Variants in USP15 observed in about 807,000 individuals in gnomAD.
USP15 encodes ubiquitin specific peptidase 15.
Under a neutral mutation model 127.1 loss-of-function variants are expected in USP15, and 18 were observed. That is an observed-to-expected ratio of 0.14 (90% CI 0.10 to 0.21). The LOEUF (loss-of-function observed/expected upper bound fraction) is 0.21, where lower values mean the gene tolerates loss of function less well. Among genes scored for constraint, USP15 ranks in the 10% least tolerant of loss-of-function variants. The pLI is 1.00. For synonymous variants in USP15, 364 were observed against 393.7 expected, an observed-to-expected ratio of 0.92 and a Z score of 0.89; for missense variants, 805 against 1,159.9, an observed-to-expected ratio of 0.69 and a Z score of 4.44.
intron 6 of USP15, among the ~76,000 whole-genome samples, chr12:62,332,438 T>C (rs370525038): frequency 1.6e-3 from 243 of 152,128 alleles, no homozygotes; most frequent in African/African-American, 5.7e-3. Flanking sequence ...TAGCATTGGG[T>C]GGATAATCTA....
intron 21 of USP15, among the ~76,000 whole-genome samples, chr12:62,402,745 G>T (rs972709677): frequency 6.6e-6 from 1 of 152,016 alleles, no homozygotes; most frequent in African/African-American, 2.4e-5. Context: ...TTTTCTTACA[G>T]ACTATGAGTA....
intron 6 of USP15, among the ~76,000 whole-genome samples, chr12:62,342,442 G>A (rs990613129): frequency 9.9e-5 from 15 of 152,132 alleles, no homozygotes; most frequent in Admixed American, 9.2e-4. Context: ...ATCCAGTTTT[G>A]TGCCCTTGCT....
chr12:62,327,545 G>T, intron 6 of USP15: 9 of 358,720 alleles, frequency 2.5e-5, no homozygotes, highest in East Asian at 9.1e-5. Flanking sequence ...ATTGTTTGTG[G>T]ATTAATATTA....
intron 1 of USP15, among the ~76,000 whole-genome samples, chr12:62,293,610 C>T (rs2064039636): frequency 6.6e-6 from 1 of 152,218 alleles, no homozygotes; most frequent in Admixed American, 6.5e-5. Context: ...CCCACCTCAG[C>T]CTTCCAAAGC....
chr12:62,326,733 A>G (rs1290543177), intron 6 of USP15, among the ~76,000 whole-genome samples: 1 of 152,218 alleles, frequency 6.6e-6, no homozygotes, highest in African/African-American at 2.4e-5. Context: ...GATTGTGAAC[A>G]TATATTTTGA....
Position 62,405,188 on chromosome 12 carries a change from G to A in USP15, c.*813G>A, listed in dbSNP as rs546263886. ...TCCAAAATTAAAATTTTTGCTGTCT[G>A]TTTTTCTCTACCCCATTTTGTGGTA... is the stretch of plus-strand genomic sequence containing the variant. On this transcript the variant is annotated 3_prime_UTR_variant, in exon 22 of 22. Transcript: ENST00000280377. The A allele has an allele frequency of 6.6e-6, 1 of 152,106 alleles. No individual in the cohort carries two copies. The highest frequency in any genetic ancestry group is 2.4e-5 in the African/African-American group (1 of 41,520). The allele number at this position is 152,106 out of a possible 1,614,324, so 9.4% of individuals were successfully genotyped here. A position where few individuals can be genotyped will look rare whatever the true frequency, so the allele number is the denominator to read the frequency against.
rs1224454072 is a variant in USP15 at position 62,414,367 on chromosome 12, G to T, written c.*9992G>T. ...TTGTTTTGTTTTGTTTTGAGACAAG[G>T]TCTTTCTCTGTCACCCAGGCTGGAG... is the stretch of plus-strand genomic sequence containing the variant. On this transcript the variant is annotated 3_prime_UTR_variant, in exon 22 of 22. Transcript: ENST00000280377. 6.6e-6 allele frequency: 1 copy of T among 152,160 alleles called. No individual in the cohort carries two copies. 9.4% of individuals were successfully genotyped at this position (152,160 alleles called of 1,614,324 possible).
intron 6 of USP15, among the ~76,000 whole-genome samples, chr12:62,347,774 T>G (rs2065862812): frequency 6.6e-6 from 1 of 152,186 alleles, no homozygotes; most frequent in Admixed American, 6.5e-5. Context: ...TTAAAGGGAC[T>G]TCTATCAGAA....
At chr12:62,353,214 C>A (rs564465715) in intron 7 of USP15, among the ~76,000 whole-genome samples, 2 of 151,988 alleles carry the variant, frequency 1.3e-5, no homozygotes, top group Non-Finnish European at 2.9e-5. Flanking sequence ...TCTAGACTAT[C>A]TCAATCTTTG....
At chr12:62,265,276 A>C (rs1412547111) in intron 1 of USP15, among the ~76,000 whole-genome samples, 1 of 152,232 alleles carries the variant, frequency 6.6e-6, no homozygotes, top group Admixed American at 6.5e-5. Context: ...ACGTAAGTGT[A>C]ACAAGATAAA....
intron 17 of USP15, 118 bp downstream of exon 17, chr12:62,392,004 G>A: frequency 1.9e-6 from 2 of 1,074,456 alleles, no homozygotes; most frequent in African/African-American, 1.7e-5. Flanking sequence ...TATTTTGCCA[G>A]TAAAAAATTG....
In USP15 at chr12:62,381,401, A is replaced by G. The variant is rs1592704075; in HGVS notation, c.916-89A>G. On this transcript the variant is annotated intron_variant, in intron 8 of 21. Coordinates refer to ENST00000280377, the MANE Select transcript of USP15 (RefSeq NM_001252078.2). ...TTAAATGTTCTCTGTGTTATAGCAA[A>G]TCAATTTGTTTCTCTCTTCATATTA... 6.9e-6 allele frequency: 8 copies of G among 1,166,632 alleles called. No homozygotes were observed. In the African/African-American group the frequency reaches 7.8e-5, roughly 11 times the overall value. 72.3% of individuals were successfully genotyped at this position (1,166,632 alleles called of 1,614,324 possible). A position where few individuals can be genotyped will look rare whatever the true frequency, so the allele number is the denominator to read the frequency against.
intron 6 of USP15, among the ~76,000 whole-genome samples, chr12:62,334,401 CAAA>C (rs1217618332): frequency 1.3e-5 from 2 of 151,762 alleles, no homozygotes; most frequent in Non-Finnish European, 2.9e-5. Context: ...AGTAAGCAGT[CAAA>C]ATAAGGAAAA....
rs972943332 is a variant in USP15 at position 62,389,508 on chromosome 12, A to C, written c.1551A>C (p.Ala517=). Residue 517 remains alanine, a synonymous_variant, in exon 12 of 22, where the codon GCA becomes GCC. Transcript: ENST00000280377. ...TALSALSGIP[A]DKMIVTDIYN... The stretch of plus-strand genomic sequence containing the variant: ...TGTCTGCTTTGTCAGGAATACCTGC[A>C]GATAAGGTAAGATGTTTCTGGGGTT... The C allele has an allele frequency of 6.2e-7, 1 of 1,613,722 alleles. No individual in the cohort carries two copies. The highest frequency in any genetic ancestry group is 8.5e-7 in the Non-Finnish European group (1 of 1,179,870).
At chr12:62,373,966 T>A (rs1433919351) in intron 8 of USP15, among the ~76,000 whole-genome samples, 1 of 152,014 alleles carries the variant, frequency 6.6e-6, no homozygotes, top group Non-Finnish European at 1.5e-5. Context: ...TGTTATCCAC[T>A]TGTGTAGCAT....
At chr12:62,376,347 A>G (rs968771612) in intron 8 of USP15, among the ~76,000 whole-genome samples, 6 of 152,136 alleles carry the variant, frequency 3.9e-5, no homozygotes, top group Non-Finnish European at 5.9e-5. Flanking sequence ...TTTATTTTTA[A>G]CATATTTAAA....
intron 7 of USP15, among the ~76,000 whole-genome samples, chr12:62,351,987 T>C (rs1326702378): frequency 6.6e-6 from 1 of 151,870 alleles, no homozygotes; most frequent in African/African-American, 2.4e-5. Flanking sequence ...GTGGGAAGAC[T>C]TCAGATAGAA....
At chr12:62,388,117 A>ATTTTTTTTTTTTT (rs58192089) in intron 11 of USP15, among the ~76,000 whole-genome samples, 10 of 106,586 alleles carry the variant, frequency 9.4e-5, no homozygotes, top group Non-Finnish European at 1.3e-4. Context: ...AATGGTGAAG[A>ATTTTTTTTTTTTT]TTTTTTTTTT....
chr12:62,298,194 G>A (rs113168463), intron 2 of USP15, among the ~76,000 whole-genome samples: 2 of 152,310 alleles, frequency 1.3e-5, no homozygotes, highest in African/African-American at 4.8e-5. Context: ...AGTTCCAGAA[G>A]GAGGAAAGTG....
Sources: allele counts gnomAD v4.1 joint callset (sites outside exome capture counted in the v4.1 genomes callset), GRCh38; gene constraint gnomAD v4.1.1; transcripts MANE v1.5; gene names NCBI Gene and HGNC (gene_info 2026-07-23, HGNC 2026-07-21).